The following SORCS1 variants were observed in gnomAD, a reference collection of about 807,000 sequenced individuals.
The protein encoded by SORCS1 is VPS10 domain-containing receptor SorCS1.
Under a neutral mutation model 146.1 loss-of-function variants are expected in SORCS1, and 60 were observed. That is an observed-to-expected ratio of 0.41 (90% CI 0.33 to 0.51). The LOEUF is 0.51. Among genes scored for constraint, SORCS1 ranks in the 20% least tolerant of loss-of-function variants. SORCS1 has a pLI of 0.21. For missense variants in SORCS1, 1,352 were observed against 1,487.6 expected, an observed-to-expected ratio of 0.91 and a Z score of 1.50; for synonymous variants, 637 against 584.0, an observed-to-expected ratio of 1.09 and a Z score of -1.31.
chr10:106,591,488 G>T (rs1419452875), intron 24 of SORCS1, among the ~76,000 whole-genome samples: 1 of 152,164 alleles, frequency 6.6e-6, no homozygotes, highest in Non-Finnish European at 1.5e-5. Context: ...TGAATAAACT[G>T]GATCTGAAGG....
intron 2 of SORCS1, among the ~76,000 whole-genome samples, chr10:106,850,130 G>C (rs1224363681): frequency 2.0e-5 from 3 of 151,722 alleles, no homozygotes; most frequent in Non-Finnish European, 3.0e-5. Context: ...CGAGCTTCCC[G>C]GCTGCTTTGT....
intron 1 of SORCS1, among the ~76,000 whole-genome samples, chr10:107,056,663 A>C (rs966597122): frequency 6.6e-6 from 1 of 152,236 alleles, no homozygotes; most frequent in East Asian, 1.9e-4. Flanking sequence ...TCAACCACTT[A>C]TAAGTGATAA....
chr10:106,929,194 C>T lies in SORCS1; in HGVS notation c.626+27319G>A, dbSNP rs201041348. On this transcript the variant is annotated intron_variant, in intron 2 of 25. Transcript: ENST00000263054. ...AGGAGAGACTTAGAAGGGGATTATA[C>T]TTTTAGATCAGAAGAGAATGAATTT... 5.9e-5 allele frequency among the ~76,000 whole-genome samples: 9 copies of T among 152,012 alleles called. No individual in the cohort carries two copies. In the East Asian group the frequency reaches 1.4e-3, roughly 23 times the overall value.
intron 3 of SORCS1, among the ~76,000 whole-genome samples, chr10:106,794,438 C>G (rs1946447452): frequency 6.6e-6 from 1 of 152,054 alleles, no homozygotes; most frequent in South Asian, 2.1e-4. Flanking sequence ...ACATTAAACA[C>G]TGGAAATATT....
intron 6 of SORCS1, among the ~76,000 whole-genome samples, chr10:106,712,185 C>T (rs1444053770): frequency 6.6e-6 from 1 of 152,130 alleles, no homozygotes; most frequent in African/African-American, 2.4e-5. Flanking sequence ...AAATCTATCT[C>T]CCTGGCAAAC....
chr10:106,594,347 A>G (rs1845785240), intron 24 of SORCS1, among the ~76,000 whole-genome samples: 1 of 152,202 alleles, frequency 6.6e-6, no homozygotes, highest in Admixed American at 6.5e-5. Context: ...ACAATTATAC[A>G]TATTCATGGG....
chr10:107,073,250 AT>A (rs1565002891), intron 1 of SORCS1, among the ~76,000 whole-genome samples: 1 of 152,228 alleles, frequency 6.6e-6, no homozygotes, highest in Non-Finnish European at 1.5e-5. Context: ...TCTAAGGAGC[AT>A]TTCCGCTGAC....
chr10:106,659,599 TC>T (rs1850568723), intron 17 of SORCS1, among the ~76,000 whole-genome samples: 1 of 152,150 alleles, frequency 6.6e-6, no homozygotes. Flanking sequence ...TCCAACACTA[TC>T]CTTTTGCTTT....
chr10:106,767,371 G>T (rs938289353), intron 4 of SORCS1, among the ~76,000 whole-genome samples: 1 of 152,144 alleles, frequency 6.6e-6, no homozygotes, highest in South Asian at 2.1e-4. Flanking sequence ...TGGGAAGGGA[G>T]GGCCAATATA....
chr10:106,695,103 C>G (rs948744285), intron 9 of SORCS1, among the ~76,000 whole-genome samples: 1 of 152,082 alleles, frequency 6.6e-6, no homozygotes, highest in African/African-American at 2.4e-5. Context: ...CACGATGCAC[C>G]GGACCATTCA....
At chr10:107,150,182 G>T (rs756283781) in intron 1 of SORCS1, among the ~76,000 whole-genome samples, 1 of 152,072 alleles carries the variant, frequency 6.6e-6, no homozygotes, top group Non-Finnish European at 1.5e-5. Flanking sequence ...TATTCCCAGC[G>T]CTCAGCACAG....
chr10:106,939,244 T>C (rs925213224), intron 2 of SORCS1, among the ~76,000 whole-genome samples: 1 of 152,242 alleles, frequency 6.6e-6, no homozygotes, highest in Non-Finnish European at 1.5e-5. Flanking sequence ...CCTGCAGGCA[T>C]GGCTAATCCA....
At chr10:107,123,650 A>G (rs977174479) in intron 1 of SORCS1, among the ~76,000 whole-genome samples, 4 of 152,232 alleles carry the variant, frequency 2.6e-5, no homozygotes, top group African/African-American at 9.6e-5. Context: ...TTTTACCTAC[A>G]GGATACAGCT....
chr10:106,707,131 G>A (rs1208653753), intron 7 of SORCS1, among the ~76,000 whole-genome samples: 1 of 151,900 alleles, frequency 6.6e-6, no homozygotes, highest in African/African-American at 2.4e-5. Flanking sequence ...CATATTAGAT[G>A]GAAAACCAGG....
chr10:106,667,932 A>T, intron 16 of SORCS1, 130 bp from the exon 17 acceptor site: 1 of 624,348 alleles, frequency 1.6e-6, no homozygotes, highest in South Asian at 2.1e-5. Context: ...AACAAAAAAA[A>T]AAAACACAAG....
At chr10:106,667,866 A>C in intron 16 of SORCS1, 64 bp from the exon 17 acceptor site, 1 of 1,130,432 alleles carries the variant, frequency 8.8e-7, no homozygotes, top group South Asian at 1.3e-5. Flanking sequence ...ACAATTCTAC[A>C]TCAGTCCACA....
intron 8 of SORCS1, among the ~76,000 whole-genome samples, chr10:106,704,591 G>A (rs376699564): frequency 1.3e-5 from 2 of 152,200 alleles, no homozygotes; most frequent in African/African-American, 2.4e-5. Context: ...TCGGGAGGCT[G>A]AGGCAGGAGA....
upstream of SORCS1, among the ~76,000 whole-genome samples, chr10:107,167,867 GACAA>G (rs1970089366): frequency 6.6e-6 from 1 of 152,002 alleles, no homozygotes; most frequent in African/African-American, 2.4e-5. Flanking sequence ...GAGGCAGAAA[GACAA>G]AGAATATGAA....
intron 1 of SORCS1, among the ~76,000 whole-genome samples, chr10:107,161,859 A>G (rs1327726466): frequency 1.3e-5 from 2 of 152,190 alleles, no homozygotes; most frequent in Non-Finnish European, 2.9e-5. Context: ...AAAAGAAGAA[A>G]CACCTTTGTG....
Sources: gnomAD v4.1 joint callset for allele counts (sites outside exome capture counted in the v4.1 genomes callset) on GRCh38, gnomAD v4.1.1 for gene constraint, MANE v1.5 for transcripts, NCBI Gene and HGNC (gene_info 2026-07-23, HGNC 2026-07-21) for gene names.